Variants in IQSEC1 observed in about 807,000 individuals in gnomAD.
IQSEC1 encodes the protein IQ motif and SEC7 domain-containing protein 1.
Under a neutral mutation model 91.0 loss-of-function variants are expected in IQSEC1, and 31 were observed. The ratio of observed to expected loss-of-function variants is 0.34; its 90% confidence interval spans 0.26 to 0.46. The LOEUF is 0.46. Among genes scored for constraint, IQSEC1 ranks in the 20% least tolerant of loss-of-function variants. IQSEC1 has a pLI of 1.00. For missense variants in IQSEC1, 1,388 were observed against 1,575.6 expected (o/e 0.88, Z 2.02); for synonymous variants, 699 against 662.6 (o/e 1.05, Z -0.84).
At chr3:13,018,572 G>A (rs535456505) in intron 1 of IQSEC1, among the ~76,000 whole-genome samples, 1 of 152,376 alleles carries the variant, frequency 6.6e-6, no homozygotes, top group East Asian at 1.9e-4. Flanking sequence ...GCACTGCCCT[G>A]TACCCAGAGC....
chr3:13,171,166 T>C (rs1288996701), intron 1 of IQSEC1, among the ~76,000 whole-genome samples: 2 of 152,088 alleles, frequency 1.3e-5, no homozygotes, highest in African/African-American at 4.8e-5. Flanking sequence ...AAATCCGCAG[T>C]GTCACTGCTA....
chr3:13,197,231 A>G (rs1280375223), intron 1 of IQSEC1, among the ~76,000 whole-genome samples: 1 of 152,196 alleles, frequency 6.6e-6, no homozygotes, highest in Non-Finnish European at 1.5e-5. Flanking sequence ...TTGAACGGGA[A>G]ACGCTTGCTC....
At chr3:13,102,976 TCAGAGGTGG>T (rs1706089512) in intron 2 of IQSEC1, among the ~76,000 whole-genome samples, 1 of 152,124 alleles carries the variant, frequency 6.6e-6, no homozygotes, top group Non-Finnish European at 1.5e-5. Flanking sequence ...CTCAGCCCCG[TCAGAGGTGG>T]CAGAGAGGGG....
intron 2 of IQSEC1, among the ~76,000 whole-genome samples, chr3:13,081,539 G>T (rs975965179): frequency 2.6e-5 from 4 of 152,140 alleles, no homozygotes; most frequent in Non-Finnish European, 4.4e-5. Flanking sequence ...AAAGTGTTAG[G>T]ATTATAGGCA....
upstream of IQSEC1, among the ~76,000 whole-genome samples, chr3:13,075,918 C>T (rs897646628): frequency 2.6e-5 from 4 of 152,170 alleles, no homozygotes; most frequent in East Asian, 5.8e-4. Flanking sequence ...AAAAGGGGCG[C>T]GCCCACCTGT....
At chr3:13,182,630 C>A (rs925897158) in intron 1 of IQSEC1, among the ~76,000 whole-genome samples, 2 of 152,072 alleles carry the variant, frequency 1.3e-5, no homozygotes, top group Admixed American at 6.6e-5. Flanking sequence ...AGACCACATT[C>A]TGGGACAAAA....
chr3:13,266,795 G>C (rs73138151), intron 1 of IQSEC1, among the ~76,000 whole-genome samples: 8,753 of 152,068 alleles, frequency 0.058, 840 homozygotes, highest in African/African-American at 0.2. Context: ...CCCTAACAAC[G>C]CTCGCTGCCT....
chr3:12,900,572 G>C lies in IQSEC1; in HGVS notation c.*411C>G, dbSNP rs985651149. 2 of 1,003,502 alleles carry C rather than the reference G, an allele frequency of 2.0e-6. No individual in the cohort carries two copies. The highest frequency in any genetic ancestry group is 2.4e-6 in the Non-Finnish European group (2 of 841,268). 62.2% of individuals were successfully genotyped at this position (1,003,502 alleles called of 1,614,324 possible). A position where few individuals can be genotyped will look rare whatever the true frequency, so the allele number is the denominator to read the frequency against. Reference sequence around the variant, plus strand: ...TTGTCAATAAAAGAGCAATAATGCAGCAAGTTTTGGGGTTTGTTTTGTCTG... The same window carrying C: ...TTGTCAATAAAAGAGCAATAATGCACCAAGTTTTGGGGTTTGTTTTGTCTG... On this transcript the variant is annotated 3_prime_UTR_variant, in exon 14 of 14. Transcript: ENST00000613206.
chr3:13,140,757 T>G (rs867104701), intron 2 of IQSEC1, among the ~76,000 whole-genome samples: 2 of 152,134 alleles, frequency 1.3e-5, no homozygotes, highest in Non-Finnish European at 1.5e-5. Context: ...AGGGCTGGCC[T>G]GGGGGTGCTG....
At chr3:13,179,631 C>T (rs953304132) in intron 1 of IQSEC1, among the ~76,000 whole-genome samples, 3 of 152,418 alleles carry the variant, frequency 2.0e-5, no homozygotes, top group East Asian at 3.9e-4. Context: ...GGCGCCTCCT[C>T]TGCCTGGGCT....
intron 1 of IQSEC1, among the ~76,000 whole-genome samples, chr3:12,961,408 C>A (rs962616822): frequency 6.6e-6 from 1 of 152,274 alleles, no homozygotes; most frequent in East Asian, 1.9e-4. Context: ...CCCCAATCCA[C>A]AGGCAAAGCG....
intron 1 of IQSEC1, among the ~76,000 whole-genome samples, chr3:12,985,665 G>C (rs112253474): frequency 0.013 from 2,033 of 152,304 alleles, 36 homozygotes; most frequent in South Asian, 0.087. Flanking sequence ...GGCAGAGTGG[G>C]GGGGGTCACT....
chr3:13,244,929 C>T (rs1695083269), intron 1 of IQSEC1, among the ~76,000 whole-genome samples: 1 of 152,214 alleles, frequency 6.6e-6, no homozygotes, highest in Admixed American at 6.5e-5. Flanking sequence ...TCCCATGCCT[C>T]TGAGGACTAC....
intron 1 of IQSEC1, among the ~76,000 whole-genome samples, chr3:13,281,337 C>A (rs1262841515): frequency 6.6e-6 from 1 of 152,168 alleles, no homozygotes; most frequent in Admixed American, 6.5e-5. Flanking sequence ...GGGGCCCAGA[C>A]AGGCAGTGGG....
At chr3:13,024,687 C>T (rs971665539) in intron 1 of IQSEC1, among the ~76,000 whole-genome samples, 2 of 151,354 alleles carry the variant, frequency 1.3e-5, no homozygotes, top group African/African-American at 4.9e-5. Flanking sequence ...CCCATCTATC[C>T]ATCCATCTAC....
chr3:13,041,169 A>G (rs1319032483), intron 1 of IQSEC1, among the ~76,000 whole-genome samples: 1 of 150,806 alleles, frequency 6.6e-6, no homozygotes, highest in Non-Finnish European at 1.5e-5. Flanking sequence ...TAGACACCGA[A>G]TCACTGACAG....
At chr3:12,978,540 A>T (rs1258744071) in intron 1 of IQSEC1, among the ~76,000 whole-genome samples, 5 of 149,860 alleles carry the variant, frequency 3.3e-5, no homozygotes, top group African/African-American at 1.0e-4. Context: ...CTACTAAAAT[A>T]AAAAAAACTA....
At chr3:13,262,972 G>A (rs1050727487) in intron 1 of IQSEC1, among the ~76,000 whole-genome samples, 5 of 152,254 alleles carry the variant, frequency 3.3e-5, no homozygotes, top group East Asian at 3.9e-4. Context: ...TGGTGAACAC[G>A]GTTGCACAAC....
At chr3:13,059,811 A>G (rs1705002841) in intron 1 of IQSEC1, among the ~76,000 whole-genome samples, 1 of 152,342 alleles carries the variant, frequency 6.6e-6, no homozygotes, top group Middle Eastern at 3.4e-3. Flanking sequence ...CTTCAGGCTA[A>G]AGGAGACAGT....
Sources: gnomAD v4.1 joint callset for allele counts (sites outside exome capture counted in the v4.1 genomes callset) on GRCh38, gnomAD v4.1.1 for gene constraint, MANE v1.5 for transcripts, NCBI Gene and HGNC (gene_info 2026-07-23, HGNC 2026-07-21) for gene names.